Variants in ADARB1 observed in about 807,000 individuals in gnomAD.
ADARB1 encodes the protein adenosine deaminase RNA specific B1, also known as double-stranded RNA-specific editase 1.
A neutral mutation model predicts 52.4 loss-of-function variants in ADARB1; 10 were observed. The observed-to-expected ratio is 0.19, with a 90% confidence interval of 0.12 to 0.32. ADARB1 has a LOEUF of 0.32. ADARB1 is among the 10% of genes least tolerant of loss of function. ADARB1 has a pLI of 1.00. For synonymous variants in ADARB1, 349 were observed against 371.1 expected (o/e 0.94, Z 0.68); for missense variants, 643 against 922.3 (o/e 0.70, Z 3.92).
intron 5 of ADARB1, 95 bp downstream of exon 5, chr21:45,180,539 C>T (rs934758169): frequency 1.8e-4 from 177 of 984,878 alleles, no homozygotes; most frequent in Admixed American, 6.0e-4. Context: ...GCCACACCGA[C>T]GGGAGATGGT....
intron 1 of ADARB1, among the ~76,000 whole-genome samples, chr21:45,108,871 A>T (rs1183512167): frequency 2.6e-5 from 4 of 152,134 alleles, no homozygotes; most frequent in Non-Finnish European, 1.5e-5. Flanking sequence ...TTTAGTTAGG[A>T]TAGCATTCTG....
chr21:45,212,999 A>C (rs1602022828), intron 9 of ADARB1, among the ~76,000 whole-genome samples: 1 of 152,164 alleles, frequency 6.6e-6, no homozygotes, highest in Admixed American at 6.5e-5. Flanking sequence ...GGGTGTTGGG[A>C]TTTTGCAGTG....
rs2093048950 is a variant in ADARB1 at position 45,225,655 on chromosome 21, AAC to A, written c.*3462_*3463del. On this transcript the variant is annotated 3_prime_UTR_variant, in exon 11 of 11. Transcript: ENST00000348831. ...CCGGACCTGCCCATGTCTCAAAACAAACACATGTACAGTGGCTCTTTTTCCTT... is the reference window on the plus strand; with the variant it reads ...CCGGACCTGCCCATGTCTCAAAACAAACATGTACAGTGGCTCTTTTTCCTT... 1 of 1,079,440 alleles carries A rather than the reference AAC, an allele frequency of 9.3e-7. No individual in the cohort carries two copies. Among genetic ancestry groups the A allele is most frequent in the Admixed American group, 3.1e-5 (1 of 32,234 alleles). 66.9% of individuals were successfully genotyped at this position (1,079,440 alleles called of 1,614,324 possible).
chr21:45,080,524 A>G (rs2086112457), intron 1 of ADARB1, among the ~76,000 whole-genome samples: 1 of 152,246 alleles, frequency 6.6e-6, no homozygotes, highest in South Asian at 2.1e-4. Context: ...AGGATAGGAA[A>G]TAAATCATGG....
rs115586318 is a variant in ADARB1, at chr21:45,076,098, A to G, written c.-220+1305A>G. Among the ~76,000 whole-genome samples, 1,257 of 152,344 alleles carry G rather than the reference A, an allele frequency of 8.3e-3. 10 individuals are homozygous for G. The highest frequency in any genetic ancestry group is 0.029 in the African/African-American group (1,210 of 41,578). On this transcript the variant is annotated intron_variant, in intron 1 of 10. Transcript: ENST00000348831. ...AAGAGCAGTTGTTTCTAGGAGATAG[A>G]AAAGCTAATTGTCTTTTGATGACCA...
chr21:45,215,703 T>C lies in ADARB1; in HGVS notation c.1748-5133T>C, dbSNP rs562333743. Among the ~76,000 whole-genome samples, 3 of 152,368 alleles carry C rather than the reference T, an allele frequency of 2.0e-5. No homozygotes were observed. In the East Asian group the frequency reaches 5.8e-4, roughly 29 times the overall value. On this transcript the variant is annotated intron_variant, in intron 9 of 10. Transcript: ENST00000348831. ...ACTTTGCATCTTGGGATAAACGTTATATGGTTATTATGTGCTATTCTTTTT... is the reference window on the plus strand; with the variant it reads ...ACTTTGCATCTTGGGATAAACGTTACATGGTTATTATGTGCTATTCTTTTT...
At chr21:45,203,518 C>T (rs1178283226) in intron 8 of ADARB1, among the ~76,000 whole-genome samples, 1 of 152,208 alleles carries the variant, frequency 6.6e-6, no homozygotes, top group Non-Finnish European at 1.5e-5. Context: ...GCTCCAGACA[C>T]AGCAACTCCC....
At chr21:45,132,224 A>G (rs2088992031) in intron 2 of ADARB1, 2 of 152,364 alleles carry the variant, frequency 1.3e-5, no homozygotes, top group Admixed American at 6.5e-5. Context: ...GGAAGCTGTC[A>G]GTGTGGTGTT....
intron 1 of ADARB1, among the ~76,000 whole-genome samples, chr21:45,109,220 C>T (rs111550655): frequency 0.019 from 2,788 of 148,476 alleles, 136 homozygotes; most frequent in Admixed American, 0.12. Context: ...CGCGTGTGTG[C>T]GCGCTTGTGT....
At chr21:45,211,666 T>G (rs1291687182) in intron 9 of ADARB1, among the ~76,000 whole-genome samples, 1 of 152,222 alleles carries the variant, frequency 6.6e-6, no homozygotes, top group Non-Finnish European at 1.5e-5. Flanking sequence ...TTAGGCCAAT[T>G]CACAGTTTCT....
At chr21:45,125,789 A>G (rs1247768830) in intron 1 of ADARB1, among the ~76,000 whole-genome samples, 6 of 152,186 alleles carry the variant, frequency 3.9e-5, no homozygotes, top group Admixed American at 6.5e-5. Context: ...CAAAGAACCA[A>G]TGTTTATCTT....
Position 45,217,739 on chromosome 21 carries a change from C to T in ADARB1, c.1748-3097C>T, listed in dbSNP as rs1291091691. ...GGACTTCCTTTTACATTCCTTGTAG[C>T]ACAAGTCTTCTGATGATGAATTATT... On this transcript the variant is annotated intron_variant, in intron 9 of 10. Transcript: ENST00000348831. 2.6e-5 allele frequency among the ~76,000 whole-genome samples: 4 copies of T among 152,076 alleles called. No homozygotes were observed. The South Asian group carries it at 8.3e-4, about 31-fold the overall frequency.
chr21:45,140,092 C>T (rs1727544315), intron 2 of ADARB1, among the ~76,000 whole-genome samples: 1 of 151,760 alleles, frequency 6.6e-6, no homozygotes, highest in African/African-American at 2.4e-5. Context: ...TACAGGCGCC[C>T]GCCACCATGC....
At chr21:45,098,700 T>C (rs1208073025) in intron 1 of ADARB1, among the ~76,000 whole-genome samples, 1 of 152,146 alleles carries the variant, frequency 6.6e-6, no homozygotes, top group African/African-American at 2.4e-5. Flanking sequence ...TTCGTGGCAG[T>C]GTGGGGGATG....
chr21:45,117,832 C>T (rs972409178), intron 1 of ADARB1, among the ~76,000 whole-genome samples: 3 of 152,176 alleles, frequency 2.0e-5, no homozygotes, highest in African/African-American at 7.2e-5. Context: ...TCCCTCCCCA[C>T]CCCATGCCCC....
Position 45,183,384 on chromosome 21 carries a change from T to C in ADARB1, c.1270T>C (p.Ser424Pro). Residue 424 changes from serine (S) to proline (P), a missense_variant, in exon 7 of 11, where the codon TCC becomes CCC. Ser to Pro is a moderately conservative substitution (Grantham distance 74). Around this residue, in one of 2 missense-constraint regions of ADARB1, gnomAD observed 263 missense variants for 475.8 expected, o/e 0.55. Coordinates refer to ENST00000348831, the MANE Select transcript of ADARB1 (RefSeq NM_001112.4). ...YLNNKDDQKR[S>P]IFQKSERGGF... ...CAGTAACAAAGATGATCAAAAAAGA[T>C]CCATCTTTCAGAAATCAGAGCGAGG... The C allele has an allele frequency of 2.5e-6, 4 of 1,602,586 alleles. No homozygotes were observed. The highest frequency in any genetic ancestry group is 3.4e-6 in the Non-Finnish European group (4 of 1,176,886).
intron 1 of ADARB1, among the ~76,000 whole-genome samples, chr21:45,096,237 A>G (rs2123707015): frequency 6.6e-6 from 1 of 152,334 alleles, no homozygotes; most frequent in South Asian, 2.1e-4. Context: ...TAAGCAGCCC[A>G]TTTCCTCCTT....
At chr21:45,134,681 T>C (rs1286513041) in intron 2 of ADARB1, 3 of 447,562 alleles carry the variant, frequency 6.7e-6, no homozygotes, top group South Asian at 3.2e-5. Context: ...GGCAAAAGAC[T>C]TGCACAGATT....
intron 9 of ADARB1, among the ~76,000 whole-genome samples, chr21:45,217,428 C>T (rs1326037680): frequency 6.6e-6 from 1 of 152,028 alleles, no homozygotes; most frequent in African/African-American, 2.4e-5. Context: ...CACGATCTCC[C>T]TTCAAGTGAT....
Sources: allele counts gnomAD v4.1 joint callset (sites outside exome capture counted in the v4.1 genomes callset), GRCh38; gene constraint gnomAD v4.1.1; regional missense constraint gnomAD v4.1.1; transcripts MANE v1.5; gene names NCBI Gene and HGNC (gene_info 2026-07-23, HGNC 2026-07-21).